The following ARHGAP15 variants were observed in gnomAD, a reference collection of about 807,000 sequenced individuals.
ARHGAP15 encodes Rho GTPase activating protein 15, also known as rho GTPase-activating protein 15.
ARHGAP15 carries 51 observed loss-of-function variants against 63.7 expected under a neutral mutation model. That is an observed-to-expected ratio of 0.80 (90% CI 0.64 to 1.01). ARHGAP15 has a LOEUF of 1.01. Among genes scored for constraint, ARHGAP15 ranks in the 50% least tolerant of loss-of-function variants. The probability of loss-of-function intolerance (pLI) is 0.00; values close to 1 mark genes in which losing one functional copy is unlikely to be tolerated. For synonymous variants in ARHGAP15, 191 were observed against 193.8 expected (o/e 0.99, Z 0.12); for missense variants, 560 against 564.6 (o/e 0.99, Z 0.08).
intron 6 of ARHGAP15, among the ~76,000 whole-genome samples, chr2:143,311,388 C>A (rs983617144): frequency 6.6e-6 from 1 of 151,234 alleles, no homozygotes; most frequent in Non-Finnish European, 1.5e-5. Context: ...TGAAAAATTT[C>A]ATTCAGTTCC....
chr2:143,416,960 G>A (rs1266757969), intron 6 of ARHGAP15, among the ~76,000 whole-genome samples: 5 of 151,992 alleles, frequency 3.3e-5, no homozygotes, highest in South Asian at 2.1e-4. Context: ...CTACCAATTC[G>A]CTTTTCAGGG....
At chr2:143,298,973 T>G (rs1057092538) in intron 6 of ARHGAP15, among the ~76,000 whole-genome samples, 3 of 151,890 alleles carry the variant, frequency 2.0e-5, no homozygotes, top group Non-Finnish European at 4.4e-5. Flanking sequence ...CAAAAAGCTT[T>G]TTGGGACATA....
At chr2:143,437,934 G>C (rs138670432) in intron 8 of ARHGAP15, among the ~76,000 whole-genome samples, 2 of 152,174 alleles carry the variant, frequency 1.3e-5, no homozygotes, top group African/African-American at 4.8e-5. Flanking sequence ...TGAGGCAGGA[G>C]AATTGCTTGA....
intron 1 of ARHGAP15, among the ~76,000 whole-genome samples, chr2:143,145,093 AC>A (rs1269835827): frequency 2.0e-5 from 3 of 151,982 alleles, no homozygotes; most frequent in Non-Finnish European, 4.4e-5. Context: ...GAGAATTACT[AC>A]TTTATAGCTC....
chr2:143,583,383 G>A (rs549810957), intron 11 of ARHGAP15, among the ~76,000 whole-genome samples: 6 of 152,262 alleles, frequency 3.9e-5, no homozygotes, highest in African/African-American at 1.4e-4. Flanking sequence ...TCTACCAGAG[G>A]ACAACAGCAG....
At chr2:143,164,008 G>C (rs1460899156) in intron 2 of ARHGAP15, among the ~76,000 whole-genome samples, 1 of 152,002 alleles carries the variant, frequency 6.6e-6, no homozygotes, top group African/African-American at 2.4e-5. Context: ...CTGCTTCGGA[G>C]GTCAAGGCAG....
chr2:143,303,963 G>A (rs951889264), intron 6 of ARHGAP15, among the ~76,000 whole-genome samples: 2 of 152,118 alleles, frequency 1.3e-5, no homozygotes, highest in Non-Finnish European at 2.9e-5. Flanking sequence ...AACAGGTGCT[G>A]GAGAGGATGT....
intron 12 of ARHGAP15, chr2:143,676,580 G>A (rs542620825): frequency 1.3e-5 from 2 of 152,238 alleles, no homozygotes; most frequent in Admixed American, 1.3e-4. Context: ...GAACAGGGAG[G>A]CCTGAGAAGA....
At chr2:143,304,185 A>C (rs574536926) in intron 6 of ARHGAP15, among the ~76,000 whole-genome samples, 16 of 152,154 alleles carry the variant, frequency 1.1e-4, no homozygotes, top group South Asian at 4.1e-4. Flanking sequence ...TTCACAATAG[A>C]AAAGACTTGG....
At chr2:143,396,682 A>T (rs1271071394) in intron 6 of ARHGAP15, among the ~76,000 whole-genome samples, 1 of 151,890 alleles carries the variant, frequency 6.6e-6, no homozygotes. Flanking sequence ...ACTTCATGCT[A>T]AGGAAAACTA....
At chr2:143,566,624 A>G (rs540447444) in intron 11 of ARHGAP15, among the ~76,000 whole-genome samples, 115 of 152,118 alleles carry the variant, frequency 7.6e-4, no homozygotes, top group Non-Finnish European at 1.4e-3. Context: ...ATTATTTTCC[A>G]ACCACCACGG....
At chr2:143,546,793 G>C (rs925592395) in intron 10 of ARHGAP15, among the ~76,000 whole-genome samples, 3 of 152,110 alleles carry the variant, frequency 2.0e-5, no homozygotes, top group African/African-American at 7.2e-5. Flanking sequence ...AGAATAATAT[G>C]AGATAAACCA....
chr2:143,525,376 G>C (rs1344674641), intron 10 of ARHGAP15, among the ~76,000 whole-genome samples: 1 of 149,598 alleles, frequency 6.7e-6, no homozygotes, highest in African/African-American at 2.4e-5. Context: ...AAAATCAAGA[G>C]TACAAGATAA....
At chr2:143,416,788 G>GC (rs1196020396) in intron 6 of ARHGAP15, among the ~76,000 whole-genome samples, 1 of 150,828 alleles carries the variant, frequency 6.6e-6, no homozygotes, top group Admixed American at 6.6e-5. Context: ...CCCTGCCTCT[G>GC]CCCTTGCTTC....
intron 8 of ARHGAP15, among the ~76,000 whole-genome samples, chr2:143,449,495 G>A (rs932506702): frequency 1.3e-5 from 2 of 151,926 alleles, no homozygotes; most frequent in Non-Finnish European, 2.9e-5. Context: ...TTGAGTACTT[G>A]AATTCATTTC....
chr2:143,705,705 C>T (rs1312605827), intron 13 of ARHGAP15, among the ~76,000 whole-genome samples: 4 of 151,914 alleles, frequency 2.6e-5, no homozygotes, highest in Non-Finnish European at 5.9e-5. Context: ...GAGAAATATC[C>T]GTTACTCTGT....
rs145180190 is a variant in ARHGAP15, at chr2:143,166,686, G to A, written c.165+11031G>A. 3.0e-3 allele frequency among the ~76,000 whole-genome samples: 452 copies of A among 152,162 alleles called. 2 individuals carry two copies. The highest frequency in any genetic ancestry group is 0.01 in the African/African-American group (429 of 41,558). On this transcript the variant is annotated intron_variant, in intron 2 of 13. Coordinates refer to ENST00000295095, the MANE Select transcript of ARHGAP15 (RefSeq NM_018460.4). ...TAAAAATGGCCTGTAAAAAAGAGAC[G>A]TTCACCTCCTGTAGGATGAATTTCT...
At chr2:143,583,186 C>T (rs1574663129) in intron 11 of ARHGAP15, among the ~76,000 whole-genome samples, 1 of 152,174 alleles carries the variant, frequency 6.6e-6, no homozygotes, top group Non-Finnish European at 1.5e-5. Context: ...TGCAGATCCA[C>T]ATAGGAACAT....
intron 8 of ARHGAP15, among the ~76,000 whole-genome samples, chr2:143,438,401 A>T (rs1470116607): frequency 2.0e-5 from 3 of 152,144 alleles, no homozygotes; most frequent in Non-Finnish European, 4.4e-5. Flanking sequence ...GGAAGAGAGA[A>T]GCTATTTATA....
Sources: gnomAD v4.1 joint callset for allele counts (sites outside exome capture counted in the v4.1 genomes callset) on GRCh38, gnomAD v4.1.1 for gene constraint, MANE v1.5 for transcripts, NCBI Gene and HGNC (gene_info 2026-07-23, HGNC 2026-07-21) for gene names.